The following DZANK1 variants were observed in gnomAD, a reference collection of about 807,000 sequenced individuals.
DZANK1 encodes the protein double zinc ribbon and ankyrin repeat-containing protein 1.
Under a neutral mutation model 94.5 loss-of-function variants are expected in DZANK1, and 91 were observed. The observed-to-expected ratio is 0.96, with a 90% CI of 0.81 to 1.15. The LOEUF (loss-of-function observed/expected upper bound fraction) is 1.15. Among genes scored for constraint, DZANK1 ranks in the 50% most tolerant of loss-of-function variants. The pLI is 0.00. For synonymous variants in DZANK1, 312 were observed against 325.3 expected, an observed-to-expected ratio of 0.96 and a Z score of 0.44; for missense variants, 903 against 916.4, an observed-to-expected ratio of 0.99 and a Z score of 0.19.
At chr20:18,401,039 C>T (rs1228126195) in intron 13 of DZANK1, among the ~76,000 whole-genome samples, 2 of 152,016 alleles carry the variant, frequency 1.3e-5, no homozygotes, top group Non-Finnish European at 1.5e-5. Context: ...CGGGTTCAAG[C>T]CATTCTCCTG....
intron 13 of DZANK1, among the ~76,000 whole-genome samples, chr20:18,410,032 CAAAAAA>C (rs33981503): frequency 1.1e-5 from 1 of 90,582 alleles, no homozygotes; most frequent in Non-Finnish European, 2.1e-5. Flanking sequence ...GACTCCGTCT[CAAAAAA>C]AAAAAAAAAA....
chr20:18,440,815 TC>T (rs949717139), intron 8 of DZANK1, among the ~76,000 whole-genome samples: 2 of 152,174 alleles, frequency 1.3e-5, no homozygotes, highest in Non-Finnish European at 2.9e-5. Context: ...TTCATCTGGG[TC>T]CCACCTGCCA....
rs118081172 is a variant in DZANK1, at chr20:18,424,007, C to A, written c.954+3060G>T. ...GTTCTTTGAAAAGATCTAGCTAGAT[C>A]TTGAAAAGATCAATAAAATTTACAA... On this transcript the variant is annotated intron_variant, in intron 10 of 20. Coordinates refer to ENST00000262547, the Ensembl canonical transcript of DZANK1. Among the ~76,000 whole-genome samples, 363 of 151,980 alleles carry A rather than the reference C, an allele frequency of 2.4e-3. 5 individuals are homozygous for A. The highest frequency in any genetic ancestry group is 0.02 in the Admixed American group (305 of 15,272).
intron 8 of DZANK1, among the ~76,000 whole-genome samples, chr20:18,434,291 C>A (rs1213512152): frequency 1.3e-5 from 2 of 151,742 alleles, no homozygotes; most frequent in African/African-American, 2.4e-5. Flanking sequence ...ATGCCTGTAA[C>A]CCCAACACTT....
chr20:18,456,754 T>C (rs959210310), intron 3 of DZANK1, among the ~76,000 whole-genome samples: 4 of 152,248 alleles, frequency 2.6e-5, no homozygotes, highest in Non-Finnish European at 4.4e-5. Context: ...TTCATTGTTA[T>C]TGTTGAGTAG....
At chr20:18,430,114 T>C (rs962390218) in intron 9 of DZANK1, among the ~76,000 whole-genome samples, 1 of 152,210 alleles carries the variant, frequency 6.6e-6, no homozygotes, top group Non-Finnish European at 1.5e-5. Context: ...AGAACAATTT[T>C]CAAACTCCCA....
chr20:18,389,576 A>T (rs553942312), intron 19 of DZANK1, 125 bp downstream of exon 19: 33 of 1,358,532 alleles, frequency 2.4e-5, no homozygotes, highest in Middle Eastern at 4.3e-4. Flanking sequence ...AAGCTGAAAT[A>T]GGTTAAAATG....
rs1468277608 is a variant in DZANK1, at chr20:18,384,861, A to T, written c.2093+155T>A. ...GGGGCAACATTTTCATTGCGCTTTGAAAAGCCCTCAGTGCCCCGGAAGCCA... is the reference window on the plus strand; with the variant it reads ...GGGGCAACATTTTCATTGCGCTTTGTAAAGCCCTCAGTGCCCCGGAAGCCA... On this transcript the variant is annotated intron_variant, in intron 20 of 20. Coordinates refer to ENST00000262547, the Ensembl canonical transcript of DZANK1. 2.6e-5 allele frequency among the ~76,000 whole-genome samples: 4 copies of T among 152,270 alleles called. 1 individual carries two copies. In the East Asian group the frequency reaches 7.7e-4, roughly 29 times the overall value.
chr20:18,420,452 G>C (rs1002709483), intron 10 of DZANK1: 3 of 161,100 alleles, frequency 1.9e-5, no homozygotes, highest in African/African-American at 7.2e-5. Context: ...GAATGAGCCA[G>C]GGACTTCAGC....
intron 10 of DZANK1, 115 bp from the exon 11 acceptor site, chr20:18,415,564 T>TTTTTG (rs3830935): frequency 1.5e-5 from 18 of 1,214,288 alleles, no homozygotes; most frequent in African/African-American, 7.9e-5. Flanking sequence ...AATAGTGTTT[T>TTTTTG]TTTTGTTTTG....
At chr20:18,409,444 G>A (rs1190004851) in intron 13 of DZANK1, among the ~76,000 whole-genome samples, 1 of 152,068 alleles carries the variant, frequency 6.6e-6, no homozygotes, top group Non-Finnish European at 1.5e-5. Context: ...CTTATAGCTA[G>A]TAGAGTTTAA....
At chr20:18,462,794 T>C (rs60685786) in intron 2 of DZANK1, among the ~76,000 whole-genome samples, 2,694 of 151,770 alleles carry the variant, frequency 0.018, 47 homozygotes, top group East Asian at 0.049. Flanking sequence ...AAAAATTAGC[T>C]GGGCATGGTG....
At chr20:18,415,552 G>A in intron 10 of DZANK1, 103 bp from the exon 11 acceptor site, 1 of 1,235,620 alleles carries the variant, frequency 8.1e-7, no homozygotes, top group South Asian at 3.6e-5. Context: ...ATGAGCCCCG[G>A]AAATAGTGTT....
At chr20:18,401,862 A>G (rs977345697) in intron 13 of DZANK1, among the ~76,000 whole-genome samples, 1 of 152,198 alleles carries the variant, frequency 6.6e-6, no homozygotes, top group Admixed American at 6.5e-5. Flanking sequence ...ATCACTCTCT[A>G]TGTCAAAGCA....
chr20:18,435,380 T>C (rs1484649857), intron 8 of DZANK1, among the ~76,000 whole-genome samples: 1 of 152,084 alleles, frequency 6.6e-6, no homozygotes, highest in African/African-American at 2.4e-5. Flanking sequence ...ATAAAGAAAA[T>C]GTGGCACATA....
At position 18,449,575 on chromosome 20, in the gene DZANK1, G is replaced by A. The variant is rs1446666409; in HGVS notation, c.544-506C>T. On this transcript the variant is annotated intron_variant, in intron 6 of 20. Transcript: ENST00000262547. ...AGTATCCCAGCCTGGCCAACATGGC[G>A]AAGCCCCATCTCTACTAAAAATACA... Among the ~76,000 whole-genome samples the A allele has an allele frequency of 4.0e-5, 6 of 151,704 alleles. 1 individual carries two copies. Among genetic ancestry groups the A allele is most frequent in the South Asian group, 2.1e-4 (1 of 4,822 alleles).
intron 6 of DZANK1, among the ~76,000 whole-genome samples, chr20:18,449,903 A>AC (rs1296945751): frequency 6.6e-6 from 1 of 151,012 alleles, no homozygotes. Context: ...ACATGGAGAA[A>AC]CCCCGTCTCT....
chr20:18,410,605 C>A (rs1317621595), intron 13 of DZANK1, among the ~76,000 whole-genome samples: 1 of 151,924 alleles, frequency 6.6e-6, no homozygotes, highest in Non-Finnish European at 1.5e-5. Context: ...ATGAAACAAT[C>A]CAATTTAAAA....
Position 18,431,426 on chromosome 20 carries a change from C to T in DZANK1, c.861+2226G>A, listed in dbSNP as rs541680283. ...CTGTCAATGGCATGCTGCCGCCTGC[C>T]GGGAGGTAAGACTTGCTGACTTCCC... On this transcript the variant is annotated intron_variant, in intron 9 of 20. Coordinates refer to ENST00000262547, the Ensembl canonical transcript of DZANK1. Among the ~76,000 whole-genome samples the T allele has an allele frequency of 6.0e-4, 91 of 152,302 alleles. 3 individuals carry two copies. In the South Asian group the frequency reaches 0.012, roughly 21 times the overall value.
Sources: gnomAD v4.1 joint callset for allele counts (sites outside exome capture counted in the v4.1 genomes callset) on GRCh38, gnomAD v4.1.1 for gene constraint, MANE v1.5 for transcripts, NCBI Gene and HGNC (gene_info 2026-07-23, HGNC 2026-07-21) for gene names.